SOX6: variants seen among roughly 807,000 people sequenced by gnomAD.
SOX6 encodes transcription factor SOX-6.
A neutral mutation model predicts 97.8 loss-of-function variants in SOX6; 11 were observed. That is an observed-to-expected ratio of 0.11 (90% CI 0.07 to 0.19). The LOEUF (loss-of-function observed/expected upper bound fraction) is 0.19. Ranked by LOEUF, SOX6 falls within the 10% of genes least tolerant of loss-of-function variation. The probability of loss-of-function intolerance (pLI) is 1.00; values close to 1 mark genes in which losing one functional copy is unlikely to be tolerated. For synonymous variants in SOX6, 360 were observed against 371.4 expected (o/e 0.97, Z 0.35); for missense variants, 810 against 1,039.5 (o/e 0.78, Z 3.04).
chr11:16,239,796 C>T (rs1006415821), intron 3 of SOX6, among the ~76,000 whole-genome samples: 3 of 151,926 alleles, frequency 2.0e-5, no homozygotes, highest in Admixed American at 6.6e-5. Flanking sequence ...GCCAGCTCCC[C>T]TTTTGCTCCA....
At chr11:16,541,360 A>T (rs528295774) in intron 4 of SOX6, among the ~76,000 whole-genome samples, 2 of 147,894 alleles carry the variant, frequency 1.4e-5, no homozygotes, top group African/African-American at 4.9e-5. Flanking sequence ...ACATAAAACC[A>T]TAAAAACCCT....
chr11:16,656,145 C>A lies in SOX6; in HGVS notation n.430-43885G>T, dbSNP rs115755694. Among the ~76,000 whole-genome samples the A allele has an allele frequency of 7.1e-3, 1,085 of 152,092 alleles. 15 individuals carry two copies. The highest frequency in any genetic ancestry group is 0.024 in the African/African-American group (979 of 41,496). On this transcript the variant is annotated intron_variant and non_coding_transcript_variant, in intron 3 of 5. Transcript: ENST00000524520. ...CCAGGCTGGAATACAGTGACGCCAT[C>A]TCAGTTCACTGCAACCTCCGACTCC...
At chr11:16,184,972 A>G (rs1851433622) in intron 5 of SOX6, among the ~76,000 whole-genome samples, 2 of 152,148 alleles carry the variant, frequency 1.3e-5, no homozygotes, top group South Asian at 4.1e-4. Context: ...TTCCAAAGCC[A>G]GTATTCTAGA....
intron 3 of SOX6, among the ~76,000 whole-genome samples, chr11:16,631,747 T>C (rs1056101267): frequency 6.6e-6 from 1 of 152,228 alleles, no homozygotes; most frequent in African/African-American, 2.4e-5. Flanking sequence ...CTTTACATAA[T>C]TCCATATTTC....
chr11:16,440,244 C>T (rs963952205), intron 1 of SOX6, among the ~76,000 whole-genome samples: 11 of 152,112 alleles, frequency 7.2e-5, no homozygotes, highest in South Asian at 2.1e-4. Context: ...CTAGGAAAAA[C>T]GGATTTGCCG....
At chr11:16,136,561 G>C (rs1053625555) in intron 6 of SOX6, among the ~76,000 whole-genome samples, 4 of 151,676 alleles carry the variant, frequency 2.6e-5, no homozygotes, top group Non-Finnish European at 5.9e-5. Context: ...CCTAATTTTT[G>C]AAAATTTTTT....
At chr11:16,238,256 G>T (rs1182784054) in intron 3 of SOX6, among the ~76,000 whole-genome samples, 1 of 151,846 alleles carries the variant, frequency 6.6e-6, no homozygotes. Context: ...ATTGTTTCTG[G>T]TTTTTTCTTT....
chr11:16,350,966 T>C (rs189613162), intron 1 of SOX6, among the ~76,000 whole-genome samples: 234 of 152,114 alleles, frequency 1.5e-3, no homozygotes, highest in Non-Finnish European at 2.3e-3. Context: ...TCACAGAAAA[T>C]ACCACTCCAT....
intron 1 of SOX6, among the ~76,000 whole-genome samples, chr11:16,426,680 C>CGAGGCGGGCG (rs1859144193): frequency 6.6e-6 from 1 of 151,642 alleles, no homozygotes; most frequent in South Asian, 2.1e-4. Context: ...TTTGGGAGGC[C>CGAGGCGGGCG]GAGGCGGGCG....
chr11:16,099,566 C>T (rs1848888483), intron 7 of SOX6, among the ~76,000 whole-genome samples: 1 of 151,730 alleles, frequency 6.6e-6, no homozygotes, highest in Non-Finnish European at 1.5e-5. Context: ...CAACCCCCCT[C>T]CCTGTAAGTT....
chr11:16,367,100 C>T (rs1482979967), intron 1 of SOX6, among the ~76,000 whole-genome samples: 1 of 152,122 alleles, frequency 6.6e-6, no homozygotes, highest in East Asian at 1.9e-4. Context: ...AAATCTAAAT[C>T]TACAGGTTAG....
intron 6 of SOX6, among the ~76,000 whole-genome samples, chr11:16,183,446 G>T (rs1487638594): frequency 6.6e-6 from 1 of 151,782 alleles, no homozygotes; most frequent in African/African-American, 2.4e-5. Flanking sequence ...ATTTGTTAAG[G>T]AACAAATTAT....
rs1590170246 is a variant in SOX6 at position 16,063,530 on chromosome 11, A to G, written c.1102-7629T>C. 6.0e-5 allele frequency among the ~76,000 whole-genome samples: 5 copies of G among 83,274 alleles called. 1 individual carries two copies. The South Asian group carries it at 1.9e-3, about 31-fold the overall frequency. 54.6% of individuals were successfully genotyped at this position (83,274 alleles called of 152,430 possible). On this transcript the variant is annotated intron_variant, in intron 9 of 15. Transcript: ENST00000683767. Reference sequence around the variant, plus strand: ...TATATATATATATATATATATATATATATATATATATATATATATATATAC... The same window carrying G: ...TATATATATATATATATATATATATGTATATATATATATATATATATATAC...
chr11:16,515,305 G>C (rs1301101333), intron 4 of SOX6, among the ~76,000 whole-genome samples: 2 of 151,898 alleles, frequency 1.3e-5, no homozygotes, highest in Non-Finnish European at 2.9e-5. Flanking sequence ...CAGTGATTAT[G>C]AGCATTTTTT....
chr11:16,132,309 AG>A (rs1564971884), intron 6 of SOX6, among the ~76,000 whole-genome samples: 2 of 131,372 alleles, frequency 1.5e-5, no homozygotes, highest in East Asian at 4.3e-4. Context: ...GAAGGAAGGA[AG>A]GAAGGAAGGA....
intron 1 of SOX6, among the ~76,000 whole-genome samples, chr11:16,427,422 C>T (rs1448389179): frequency 7.9e-5 from 12 of 151,480 alleles, no homozygotes; most frequent in East Asian, 5.8e-4. Context: ...GTTGGTGTGC[C>T]GCACCCATTA....
intron 4 of SOX6, among the ~76,000 whole-genome samples, chr11:16,504,205 C>T (rs538437028): frequency 3.3e-4 from 50 of 152,002 alleles, no homozygotes; most frequent in Non-Finnish European, 5.4e-4. Flanking sequence ...GCCTACTTTT[C>T]ACCACTCCTA....
At chr11:16,558,010 T>C (rs1458426484) in intron 4 of SOX6, among the ~76,000 whole-genome samples, 6 of 151,916 alleles carry the variant, frequency 3.9e-5, no homozygotes, top group Non-Finnish European at 7.4e-5. Context: ...TTTGAAAAAT[T>C]AGCCAAACAT....
rs1847739898 is a variant in SOX6 at position 16,658,392 on chromosome 11, C to T, written n.430-46132G>A. Among the ~76,000 whole-genome samples, 4 of 152,050 alleles carry T rather than the reference C, an allele frequency of 2.6e-5. No individual in the cohort carries two copies. In the South Asian group the frequency reaches 6.2e-4, roughly 24 times the overall value. On this transcript the variant is annotated intron_variant and non_coding_transcript_variant, in intron 3 of 5. Transcript: ENST00000524520. ...TCATTGAATATGTTCTATACTAATC[C>T]TTTGTTGGTGATATGTATTAAAATA...
Sources: gnomAD v4.1 joint callset for allele counts (sites outside exome capture counted in the v4.1 genomes callset) on GRCh38, gnomAD v4.1.1 for gene constraint, MANE v1.5 for transcripts, NCBI Gene and HGNC (gene_info 2026-07-23, HGNC 2026-07-21) for gene names.